The following SCHIP1 variants were observed in gnomAD, a reference collection of about 807,000 sequenced individuals.
SCHIP1 encodes schwannomin interacting protein 1, also known as schwannomin-interacting protein 1.
Under a neutral mutation model 29.7 loss-of-function variants are expected in SCHIP1, and 8 were observed. The observed-to-expected ratio is 0.27, with a 90% CI of 0.16 to 0.49. The LOEUF (loss-of-function observed/expected upper bound fraction) is 0.49, where lower values mean the gene tolerates loss of function less well. Ranked by LOEUF, SCHIP1 falls within the 20% of genes least tolerant of loss-of-function variation. The pLI, the probability that SCHIP1 is intolerant of heterozygous loss-of-function variation, is 0.99. For synonymous variants in SCHIP1, 76 were observed against 94.9 expected, an observed-to-expected ratio of 0.80 and a Z score of 1.16; for missense variants, 193 against 294.6, an observed-to-expected ratio of 0.66 and a Z score of 2.52.
the SCHIP1 span, among the ~76,000 whole-genome samples, chr3:159,697,900 G>T: frequency 3.2e-4 from 49 of 152,324 alleles, no homozygotes; most frequent in African/African-American, 1.2e-3. Context: ...CAGTGTGATG[G>T]AGCAATTAAA....
At chr3:159,563,021 G>C in the SCHIP1 span, among the ~76,000 whole-genome samples, 1 of 152,140 alleles carries the variant, frequency 6.6e-6, no homozygotes, top group African/African-American at 2.4e-5. Context: ...AAGGGTGGGG[G>C]TTATAACTGT....
At chr3:159,456,454 C>G in the SCHIP1 span, among the ~76,000 whole-genome samples, 3 of 152,046 alleles carry the variant, frequency 2.0e-5, no homozygotes, top group African/African-American at 7.2e-5. Flanking sequence ...TATGTATGCC[C>G]AGAAAATTTT....
the SCHIP1 span, among the ~76,000 whole-genome samples, chr3:159,577,438 T>G: frequency 4.6e-5 from 7 of 152,212 alleles, no homozygotes; most frequent in Non-Finnish European, 7.3e-5. Context: ...CATCTCAAAG[T>G]GTGAATATCA....
At chr3:159,648,569 ATGTAT>A in the SCHIP1 span, among the ~76,000 whole-genome samples, 1 of 152,150 alleles carries the variant, frequency 6.6e-6, no homozygotes, top group African/African-American at 2.4e-5. Context: ...TGCTACTTAT[ATGTAT>A]TGAACATTGC....
the SCHIP1 span, among the ~76,000 whole-genome samples, chr3:159,327,952 G>A: frequency 6.6e-6 from 1 of 152,184 alleles, no homozygotes; most frequent in Admixed American, 6.5e-5. Flanking sequence ...TAAAACTATA[G>A]CAAAGGTTCT....
the SCHIP1 span, among the ~76,000 whole-genome samples, chr3:159,432,094 G>A: frequency 6.6e-6 from 1 of 152,092 alleles, no homozygotes; most frequent in Non-Finnish European, 1.5e-5. Flanking sequence ...GCTCTGTCAT[G>A]AGGCTACAGT....
the SCHIP1 span, among the ~76,000 whole-genome samples, chr3:159,436,997 A>G: frequency 2.0e-5 from 3 of 152,064 alleles, no homozygotes; most frequent in Non-Finnish European, 4.4e-5. Flanking sequence ...TAGATGCCCA[A>G]TTACTGATGA....
exon 1 of SCHIP1, chr3:159,840,086 A>G: frequency 7.2e-6 from 11 of 1,525,540 alleles, no homozygotes; most frequent in Non-Finnish European, 9.6e-6. Flanking sequence ...CTGCCTTACC[A>G]GGGCGTTCTC....
chr3:159,536,559 C>G, the SCHIP1 span, among the ~76,000 whole-genome samples: 2 of 152,132 alleles, frequency 1.3e-5, no homozygotes, highest in African/African-American at 4.8e-5. Context: ...GTGAGGAACC[C>G]CAGCTCTGAC....
chr3:159,702,130 A>G, the SCHIP1 span, among the ~76,000 whole-genome samples: 2 of 152,202 alleles, frequency 1.3e-5, no homozygotes, highest in Admixed American at 6.5e-5. Context: ...TGAGCTTGAG[A>G]GAGTTTACTT....
At chr3:159,884,492 G>GT (rs1322379936) in intron 2 of SCHIP1, among the ~76,000 whole-genome samples, 2 of 152,084 alleles carry the variant, frequency 1.3e-5, no homozygotes, top group African/African-American at 4.8e-5. Context: ...GTCTCAGAGA[G>GT]TTGATTCTAC....
At chr3:159,304,628 C>T in the SCHIP1 span, among the ~76,000 whole-genome samples, 3 of 152,170 alleles carry the variant, frequency 2.0e-5, no homozygotes, top group African/African-American at 4.8e-5. Flanking sequence ...TGTGTGTTGT[C>T]TCCTTTAAAG....
the SCHIP1 span, among the ~76,000 whole-genome samples, chr3:159,565,066 TA>T: frequency 0.016 from 2,426 of 152,288 alleles, 76 homozygotes; most frequent in African/African-American, 0.054. Context: ...GTTGTTTTTT[TA>T]AAATTATCTC....
chr3:159,426,884 G>A, the SCHIP1 span, among the ~76,000 whole-genome samples: 12 of 152,060 alleles, frequency 7.9e-5, no homozygotes, highest in South Asian at 2.1e-4. Flanking sequence ...ATCAATATAC[G>A]CAAACCAATA....
intron 2 of SCHIP1, among the ~76,000 whole-genome samples, chr3:159,875,548 A>G (rs576416763): frequency 6.6e-6 from 1 of 152,358 alleles, no homozygotes; most frequent in Admixed American, 6.5e-5. Context: ...TTGACAAGCT[A>G]TGATGACTTT....
the SCHIP1 span, among the ~76,000 whole-genome samples, chr3:159,342,492 T>A: frequency 6.6e-6 from 1 of 152,198 alleles, no homozygotes; most frequent in African/African-American, 2.4e-5. Context: ...AGGAAATATC[T>A]TTACATTTTT....
At chr3:159,648,429 G>A in the SCHIP1 span, among the ~76,000 whole-genome samples, 1 of 152,082 alleles carries the variant, frequency 6.6e-6, no homozygotes, top group African/African-American at 2.4e-5. Context: ...TCTTAAATAA[G>A]GACAATAATG....
At chr3:159,463,639 TTC>T in the SCHIP1 span, among the ~76,000 whole-genome samples, 1 of 152,076 alleles carries the variant, frequency 6.6e-6, no homozygotes, top group Non-Finnish European at 1.5e-5. Flanking sequence ...ATAAAATATG[TTC>T]TGTCAGTCTT....
At chr3:159,835,733 A>G (rs1743599120), upstream of SCHIP1, among the ~76,000 whole-genome samples, 1 of 152,190 alleles carries the variant, frequency 6.6e-6, no homozygotes, top group Non-Finnish European at 1.5e-5. Context: ...ATCAACTCAC[A>G]CAGCTTATGC....
Sources: allele counts gnomAD v4.1 joint callset (sites outside exome capture counted in the v4.1 genomes callset), GRCh38; gene constraint gnomAD v4.1.1; transcripts MANE v1.5; gene names NCBI Gene and HGNC (gene_info 2026-07-23, HGNC 2026-07-21).